COL5A1: variants seen among roughly 807,000 people sequenced by gnomAD.
COL5A1 encodes the protein collagen alpha-1(V) chain.
Under a neutral mutation model 263.7 loss-of-function variants are expected in COL5A1, and 16 were observed. That is an observed-to-expected ratio of 0.06 (90% confidence interval 0.04 to 0.09). The LOEUF is 0.09. COL5A1 is among the 10% of genes least tolerant of loss of function. The pLI is 1.00. For missense variants in COL5A1, 2,036 were observed against 2,540.5 expected, an observed-to-expected ratio of 0.80 and a Z score of 4.27; for synonymous variants, 1,012 against 1,004.5, an observed-to-expected ratio of 1.01 and a Z score of -0.14.
chr9:134,763,262 G>A (rs758067671), intron 19 of COL5A1, among the ~76,000 whole-genome samples: 21 of 152,222 alleles, frequency 1.4e-4, no homozygotes, highest in Non-Finnish European at 2.5e-4. Context: ...CAGCCAGGAG[G>A]AAGCCTCTTG....
intron 51 of COL5A1, 69 bp from the exon 52 acceptor site, chr9:134,815,866 T>C (rs1346519917): frequency 2.5e-6 from 4 of 1,572,402 alleles, no homozygotes; most frequent in African/African-American, 1.3e-5. Context: ...TGGAGATGCA[T>C]TGGGAACTGG....
In COL5A1 at chr9:134,677,372, T is replaced by C. The variant is rs911972064; in HGVS notation, c.110-13540T>C. On this transcript the variant is annotated intron_variant, in intron 1 of 65. Transcript: ENST00000371817. This position sits in a 1 kb window ranked among gnomAD's most constrained non-coding sequence, Gnocchi z 4.4. ...TGCCCTTGGTTCTCAGGTACATCCT[T>C]GTGCTGGGTTCCACTGAGCATTTCA... Among the ~76,000 whole-genome samples, 5 of 152,130 alleles carry C rather than the reference T, an allele frequency of 3.3e-5. No individual in the cohort carries two copies. The highest frequency in any genetic ancestry group is 4.8e-5 in the African/African-American group (2 of 41,440).
At chr9:134,828,811 C>A (rs1234681529) in intron 63 of COL5A1, among the ~76,000 whole-genome samples, 2 of 150,180 alleles carry the variant, frequency 1.3e-5, no homozygotes, top group African/African-American at 2.5e-5. Context: ...CACACAGATA[C>A]CACACACACA....
chr9:134,836,449 C>T (rs886676159), intron 65 of COL5A1, among the ~76,000 whole-genome samples: 2 of 152,216 alleles, frequency 1.3e-5, no homozygotes, highest in African/African-American at 2.4e-5. Context: ...ACATTTCAAC[C>T]TGAGATTTGG....
At position 134,808,773 on chromosome 9, in the gene COL5A1, G is replaced by GAAAA. The variant is rs553559910; in HGVS notation, c.3367-408_3367-407insAAAA. Among the ~76,000 whole-genome samples the GAAAA allele has an allele frequency of 4.1e-3, 622 of 152,344 alleles. 5 individuals are homozygous for GAAAA. Among genetic ancestry groups the GAAAA allele is most frequent in the Non-Finnish European group, 7.0e-3 (474 of 68,040 alleles). On this transcript the variant is annotated intron_variant, in intron 42 of 65. Transcript: ENST00000371817. ...GGAGAGTGTCTGCAGAGAATGTAAA[G>GAAAA]AATCAGAAAGCTGGTGAAAGCTGGA...
rs1394058084 is a variant in COL5A1 at position 134,738,643 on chromosome 9, G to T, written c.1432-103G>T. The T allele has an allele frequency of 6.6e-6, 10 of 1,519,670 alleles. No individual in the cohort carries two copies. In the African/African-American group the frequency reaches 1.2e-4, roughly 19 times the overall value. 94.1% of individuals were successfully genotyped at this position (1,519,670 alleles called of 1,614,324 possible). A position where few individuals can be genotyped will look rare whatever the true frequency, so the allele number is the denominator to read the frequency against. ...CGCTTTTGCAGATCCCCTGGGAGCC[G>T]GCGCTATCCCACCCCCACCTCTGCC... is the stretch of plus-strand genomic sequence containing the variant. On this transcript the variant is annotated intron_variant, in intron 10 of 65. Coordinates refer to ENST00000371817, the MANE Select transcript of COL5A1 (RefSeq NM_000093.5).
intron 11 of COL5A1, 44 bp downstream of exon 11, chr9:134,738,852 G>A (rs965756261): frequency 1.5e-5 from 22 of 1,489,256 alleles, no homozygotes; most frequent in Non-Finnish European, 1.9e-5. Context: ...AAGGTGTGGG[G>A]CTGCCCACGC....
At chr9:134,709,050 T>C (rs1292629007) in intron 4 of COL5A1, 5 of 418,748 alleles carry the variant, frequency 1.2e-5, no homozygotes, top group African/African-American at 2.0e-5. Context: ...ATGTTCCCAT[T>C]TCCAGATCCT....
intron 1 of COL5A1, among the ~76,000 whole-genome samples, chr9:134,688,435 C>T (rs867525274): frequency 1.3e-5 from 2 of 152,244 alleles, no homozygotes; most frequent in African/African-American, 2.4e-5. Flanking sequence ...TCTCTTTCCA[C>T]GGGCTGCATC....
rs772523567 is a variant in COL5A1 at position 134,824,738 on chromosome 9, G to A, written c.4837G>A (p.Gly1613Ser). 19 of 1,614,070 alleles carry A rather than the reference G, an allele frequency of 1.2e-5. No individual in the cohort carries two copies. Among genetic ancestry groups the A allele is most frequent in the East Asian group, 2.2e-5 (1 of 44,876 alleles). Residue 1613 changes from glycine (G) to serine (S), a missense_variant, in exon 62 of 66, where the codon GGC becomes AGC. This residue lies in a region of COL5A1 where 358 missense variants were observed against 384.6 expected (regional missense o/e 0.93). Transcript: ENST00000371817. ...CGCGGACGGCATGGAAGAGATCTTC[G>A]GCTCTCTCAACTCTCTGAAGCTGGA... is the stretch of plus-strand genomic sequence containing the variant. ...DYADGMEEIF[G>S]SLNSLKLEIE...
intron 29 of COL5A1, among the ~76,000 whole-genome samples, chr9:134,783,717 C>G (rs534860831): frequency 2.4e-4 from 36 of 152,234 alleles, no homozygotes; most frequent in African/African-American, 8.2e-4. Flanking sequence ...ACCTGGCAGG[C>G]AAAAGGCAGA....
chr9:134,840,207 C>G (rs924671761), intron 65 of COL5A1, among the ~76,000 whole-genome samples: 1 of 152,236 alleles, frequency 6.6e-6, no homozygotes, highest in East Asian at 1.9e-4. Context: ...CCTGAGAACT[C>G]GCGTTCTCTC....
intron 4 of COL5A1, among the ~76,000 whole-genome samples, chr9:134,717,628 A>G (rs779634961): frequency 9.9e-5 from 15 of 152,168 alleles, no homozygotes; most frequent in Non-Finnish European, 1.9e-4. Context: ...CTGCCAGGAC[A>G]GGGGAGGTTT....
chr9:134,667,927 C>T (rs7032486), intron 1 of COL5A1, among the ~76,000 whole-genome samples: 35,518 of 152,052 alleles, frequency 0.23, 5,201 homozygotes, highest in African/African-American at 0.41. Context: ...TCAGCCTCTG[C>T]TCTTCCTACC....
intron 19 of COL5A1, 76 bp downstream of exon 19, chr9:134,762,054 G>A: frequency 6.7e-7 from 1 of 1,499,398 alleles, no homozygotes. Flanking sequence ...AACCACAGAA[G>A]AGAGGCCCAG....
intron 60 of COL5A1, 106 bp from the exon 61 acceptor site, chr9:134,823,310 C>A: frequency 1.6e-6 from 2 of 1,275,712 alleles, no homozygotes; most frequent in Non-Finnish European, 2.3e-6. Flanking sequence ...GCTGATAGGG[C>A]CACCTCCCCC....
chr9:134,684,399 G>C lies in COL5A1; in HGVS notation c.110-6513G>C, dbSNP rs77350309. Among the ~76,000 whole-genome samples, 957 of 152,310 alleles carry C rather than the reference G, an allele frequency of 6.3e-3. 4 individuals carry two copies. Among genetic ancestry groups the C allele is most frequent in the Admixed American group, 9.5e-3 (145 of 15,296 alleles). On this transcript the variant is annotated intron_variant, in intron 1 of 65. Coordinates refer to ENST00000371817, the MANE Select transcript of COL5A1 (RefSeq NM_000093.5). ...GCCCTGCCATGTCTTCAGCCACCTG[G>C]CTGCCAGCATTCATCCTTCTCAGCA...
At position 134,815,885 on chromosome 9, in the gene COL5A1, C is replaced by T. The variant is rs761265408; in HGVS notation, c.4069-50C>T. ...GATGCATTGGGAACTGGTGCATGAA[C>T]TCAGGGTGCCATCCGGGGTTCAGCA... On this transcript the variant is annotated intron_variant, in intron 51 of 65. Coordinates refer to ENST00000371817, the MANE Select transcript of COL5A1 (RefSeq NM_000093.5). 5 of 1,606,048 alleles carry T rather than the reference C, an allele frequency of 3.1e-6. No individual in the cohort carries two copies. The East Asian group carries it at 1.1e-4, about 36-fold the overall frequency.
At chr9:134,746,370 GCCACCA>G (rs1056131032) in intron 11 of COL5A1, among the ~76,000 whole-genome samples, 1 of 152,168 alleles carries the variant, frequency 6.6e-6, no homozygotes, top group Non-Finnish European at 1.5e-5. Context: ...TCCCAAACCT[GCCACCA>G]CCATGAAGAG....
Sources: allele counts gnomAD v4.1 joint callset (sites outside exome capture counted in the v4.1 genomes callset), GRCh38; gene constraint gnomAD v4.1.1; regional missense constraint gnomAD v4.1.1; non-coding constraint Gnocchi (gnomAD v3.1); transcripts MANE v1.5; gene names NCBI Gene and HGNC (gene_info 2026-07-23, HGNC 2026-07-21).